The following TRMT1L variants were observed in gnomAD, a reference collection of about 807,000 sequenced individuals.
TRMT1L encodes tRNA (guanine(27)-N(2))-dimethyltransferase.
A neutral mutation model predicts 81.6 loss-of-function variants in TRMT1L; 28 were observed. That is an observed-to-expected ratio of 0.34 (90% CI 0.25 to 0.47). TRMT1L has a LOEUF of 0.47. Among genes scored for constraint, TRMT1L ranks in the 20% least tolerant of loss-of-function variants. TRMT1L has a pLI of 1.00. For synonymous variants in TRMT1L, 301 were observed against 303.2 expected, an observed-to-expected ratio of 0.99 and a Z score of 0.07; for missense variants, 739 against 877.1, an observed-to-expected ratio of 0.84 and a Z score of 1.99.
At position 185,156,462 on chromosome 1, in the gene TRMT1L, G is replaced by A. The variant is rs1340348483; in HGVS notation, c.235+16C>T. 2 of 1,613,866 alleles carry A rather than the reference G, an allele frequency of 1.2e-6. No homozygotes were observed. The highest frequency in any genetic ancestry group is 1.1e-5 in the South Asian group (1 of 91,074). The stretch of plus-strand genomic sequence containing the variant: ...CTCTCTTCTGCAGCAGAAAGATCTG[G>A]GCCTTCTGCACTTACTGCTTTTAGC... On this transcript the variant is annotated intron_variant, in intron 1 of 14. Transcript: ENST00000367506.
intron 10 of TRMT1L, among the ~76,000 whole-genome samples, chr1:185,132,529 T>TAAATAA (rs552088834): frequency 0.1 from 15,141 of 147,300 alleles, 961 homozygotes; most frequent in East Asian, 0.25. Context: ...AAAAAAAAAA[T>TAAATAA]AAATAAAAAT....
intron 7 of TRMT1L, among the ~76,000 whole-genome samples, chr1:185,142,671 G>GT (rs1458481172): frequency 6.7e-6 from 1 of 148,608 alleles, no homozygotes; most frequent in Admixed American, 6.7e-5. Flanking sequence ...AAAAAAAATT[G>GT]TATCTGAATC....
intron 10 of TRMT1L, among the ~76,000 whole-genome samples, chr1:185,130,487 A>G (rs751903423): frequency 5.3e-5 from 8 of 152,222 alleles, no homozygotes; most frequent in Non-Finnish European, 1.0e-4. Context: ...AATCTAAAGC[A>G]TAAGCCTGAA....
chr1:185,126,470 CTT>C (rs1332857685), intron 11 of TRMT1L, among the ~76,000 whole-genome samples: 1 of 152,018 alleles, frequency 6.6e-6, no homozygotes, highest in Non-Finnish European at 1.5e-5. Flanking sequence ...AAAAATAAAA[CTT>C]CTCTATATAT....
At chr1:185,121,661 C>T (rs185904931) in intron 13 of TRMT1L, among the ~76,000 whole-genome samples, 3 of 151,908 alleles carry the variant, frequency 2.0e-5, no homozygotes, top group Admixed American at 6.6e-5. Context: ...GATAGATATC[C>T]AGATTTAGTA....
chr1:185,126,031 G>A (rs1252140499), intron 11 of TRMT1L, among the ~76,000 whole-genome samples: 1 of 152,128 alleles, frequency 6.6e-6, no homozygotes, highest in Non-Finnish European at 1.5e-5. Context: ...CAGGTATAAT[G>A]GACAAAATAT....
intron 7 of TRMT1L, 107 bp downstream of exon 7, chr1:185,143,250 C>T (rs1653097411): frequency 1.9e-6 from 2 of 1,027,614 alleles, no homozygotes; most frequent in African/African-American, 1.7e-5. Flanking sequence ...AAAATTTTGC[C>T]TTGGATCTTT....
At chr1:185,122,289 T>C (rs1375320761) in intron 13 of TRMT1L, among the ~76,000 whole-genome samples, 6 of 152,228 alleles carry the variant, frequency 3.9e-5, no homozygotes, top group African/African-American at 7.2e-5. Flanking sequence ...TGGGTTTGCA[T>C]AGTACTATCA....
At chr1:185,125,287 A>C (rs1652596079) in intron 11 of TRMT1L, among the ~76,000 whole-genome samples, 177 bp from the exon 12 acceptor site, 1 of 152,096 alleles carries the variant, frequency 6.6e-6, no homozygotes, top group African/African-American at 2.4e-5. Flanking sequence ...TATTATTATT[A>C]TTCTTTTTTG....
rs1652692068 is a variant in TRMT1L at position 185,128,564 on chromosome 1, A to G, written c.1592+105T>C. ...AGTCATAATTATTTGCCTAGACTTA[A>G]CAATTGAATTTAAATTTGTCTTTTA... is the stretch of plus-strand genomic sequence containing the variant. On this transcript the variant is annotated intron_variant, in intron 11 of 14. Coordinates refer to ENST00000367506, the MANE Select transcript of TRMT1L (RefSeq NM_030934.5). 5.5e-6 allele frequency: 6 copies of G among 1,082,458 alleles called. No homozygotes were observed. The East Asian group carries it at 1.4e-4, about 26-fold the overall frequency. The allele number at this position is 1,082,458 out of a possible 1,614,324, so 67.1% of individuals were successfully genotyped here.
Position 185,141,260 on chromosome 1 carries a change from TGTGAG to T in TRMT1L, c.860-1043_860-1039del, listed in dbSNP as rs1358931093. Among the ~76,000 whole-genome samples the T allele has an allele frequency of 2.6e-5, 4 of 152,188 alleles. No individual in the cohort carries two copies. In the East Asian group the frequency reaches 7.7e-4, roughly 29 times the overall value. ...CGCATTTTTCATATTTTCACAAGCT[TGTGAG>T]GTAAGTTCTGACATCCTCATTTTAG... On this transcript the variant is annotated intron_variant, in intron 7 of 14. Transcript: ENST00000367506.
Position 185,120,061 on chromosome 1 carries a change from T to A in TRMT1L, c.2160A>T (p.Ser720=). The A allele has an allele frequency of 6.2e-7, 1 of 1,613,982 alleles. No individual in the cohort carries two copies. Among genetic ancestry groups the A allele is most frequent in the Non-Finnish European group, 8.5e-7 (1 of 1,179,882 alleles). Residue 720 remains serine (S), a synonymous_variant, in exon 15 of 15, where the codon TCA becomes TCT. Coordinates refer to ENST00000367506, the MANE Select transcript of TRMT1L (RefSeq NM_030934.5). ...CACTTGCTTCTGCTTTGTCATTCAC[T>A]GACATTTCAACTCTTTCAGTTACTG... ...EDTVTERVEM[S]VNDKAEASGC...
At position 185,119,932 on chromosome 1, in the gene TRMT1L, T is replaced by C. The variant is rs1571339564; in HGVS notation, c.*87A>G. The C allele has an allele frequency of 1.5e-6, 2 of 1,373,110 alleles. No homozygotes were observed. Among genetic ancestry groups the C allele is most frequent in the Non-Finnish European group, 1.9e-6 (2 of 1,029,300 alleles). The allele number at this position is 1,373,110 out of a possible 1,614,324, so 85.1% of individuals were successfully genotyped here. On this transcript the variant is annotated 3_prime_UTR_variant, in exon 15 of 15. Transcript: ENST00000367506. ...TGTTTTTTATTTTTACTCTACTGAA[T>C]TGAAAGAACAGAAAAAGAACTACAG...
At chr1:185,155,016 A>G (rs534012527) in intron 1 of TRMT1L, among the ~76,000 whole-genome samples, 1 of 152,358 alleles carries the variant, frequency 6.6e-6, no homozygotes, top group East Asian at 1.9e-4. Flanking sequence ...GACTAACTAG[A>G]TCAACTAAAA....
intron 14 of TRMT1L, 28 bp from the exon 15 acceptor site, chr1:185,120,299 A>T (rs1652467189): frequency 6.6e-7 from 1 of 1,506,430 alleles, no homozygotes. Flanking sequence ...AAGAAAAAAT[A>T]ATCAGGTTCT....
At position 185,156,735 on chromosome 1, in the gene TRMT1L, C is replaced by G. The variant is rs1464610464; in HGVS notation, c.-23G>C. On this transcript the variant is annotated 5_prime_UTR_variant, in exon 1 of 15. Coordinates refer to ENST00000367506, the MANE Select transcript of TRMT1L (RefSeq NM_030934.5). ...CATAGTTACCGCCTCCGTGCCAAGC[C>G]CGCCCGGGGACCCGGAGCGGGGCTC... is the stretch of plus-strand genomic sequence containing the variant. 1 of 1,612,010 alleles carries G rather than the reference C, an allele frequency of 6.2e-7. No homozygotes were observed. The highest frequency in any genetic ancestry group is 1.7e-4 in the Middle Eastern group (1 of 6,056).
chr1:185,143,804 C>T lies in TRMT1L; in HGVS notation c.779+102G>A, dbSNP rs1056137932. On this transcript the variant is annotated intron_variant, in intron 6 of 14. Transcript: ENST00000367506. ...GTTAAAACAGATGATTTTTATTCTG[C>T]ACCTAGTTCTAAATTTTAATATATT... The T allele has an allele frequency of 2.3e-4, 228 of 990,002 alleles. 1 individual carries two copies. Among genetic ancestry groups the T allele is most frequent in the Non-Finnish European group, 2.9e-4 (207 of 722,092 alleles). 61.3% of individuals were successfully genotyped at this position (990,002 alleles called of 1,614,324 possible).
At position 185,131,403 on chromosome 1, in the gene TRMT1L, A is replaced by G. The variant is rs193059166; in HGVS notation, c.1514-2656T>C. Among the ~76,000 whole-genome samples, 742 of 152,294 alleles carry G rather than the reference A, an allele frequency of 4.9e-3. 4 individuals carry two copies. Among genetic ancestry groups the G allele is most frequent in the Non-Finnish European group, 7.8e-3 (530 of 68,004 alleles). On this transcript the variant is annotated intron_variant, in intron 10 of 14. Coordinates refer to ENST00000367506, the MANE Select transcript of TRMT1L (RefSeq NM_030934.5). Reference sequence around the variant, plus strand: ...CAGAGAACAAAATTACAAAACAGAAAAAGTTAAAAAACAGGAGAACTGAAC... The same window carrying G: ...CAGAGAACAAAATTACAAAACAGAAGAAGTTAAAAAACAGGAGAACTGAAC...
intron 10 of TRMT1L, among the ~76,000 whole-genome samples, chr1:185,131,013 T>A (rs1652755911): frequency 6.6e-6 from 1 of 152,174 alleles, no homozygotes; most frequent in East Asian, 1.9e-4. Context: ...ATTTTTATTT[T>A]TTTTTTGAGA....
Sources: allele counts gnomAD v4.1 joint callset (sites outside exome capture counted in the v4.1 genomes callset), GRCh38; gene constraint gnomAD v4.1.1; transcripts MANE v1.5; gene names NCBI Gene and HGNC (gene_info 2026-07-23, HGNC 2026-07-21).